Variants in GSE1 observed in about 807,000 individuals in gnomAD.
GSE1 encodes genetic suppressor element 1.
Under a neutral mutation model 112.6 loss-of-function variants are expected in GSE1, and 32 were observed. That is an observed-to-expected ratio of 0.28 (90% confidence interval 0.21 to 0.38). The LOEUF (loss-of-function observed/expected upper bound fraction) is 0.38. GSE1 is among the 10% of genes least tolerant of loss of function. GSE1 has a pLI of 1.00. For synonymous variants in GSE1, 1,115 were observed against 735.6 expected, an observed-to-expected ratio of 1.52 and a Z score of -8.35; for missense variants, 2,348 against 1,699.2, an observed-to-expected ratio of 1.38 and a Z score of -6.71.
At chr16:85,513,635 G>A (rs2051820494) in intron 2 of GSE1, among the ~76,000 whole-genome samples, 2 of 152,126 alleles carry the variant, frequency 1.3e-5, no homozygotes, top group Admixed American at 1.3e-4. Context: ...CTGCCTCCAG[G>A]CCTCACCCTC....
At chr16:85,293,391 C>A (rs1040781492) in intron 1 of GSE1, among the ~76,000 whole-genome samples, 14 of 151,986 alleles carry the variant, frequency 9.2e-5, no homozygotes, top group African/African-American at 2.7e-4. Context: ...GCTAAAAATA[C>A]AAAAATCAGC....
At chr16:85,346,648 TA>T (rs2046746956) in intron 1 of GSE1, among the ~76,000 whole-genome samples, 1 of 147,234 alleles carries the variant, frequency 6.8e-6, no homozygotes, top group African/African-American at 2.5e-5. Flanking sequence ...GGTAGATGGA[TA>T]AGTGGTGGAT....
chr16:85,438,923 C>T (rs901923127), intron 2 of GSE1, among the ~76,000 whole-genome samples: 2 of 152,208 alleles, frequency 1.3e-5, no homozygotes, highest in African/African-American at 2.4e-5. Context: ...GATCCCCCCG[C>T]GGCCTCCTGC....
intron 1 of GSE1, among the ~76,000 whole-genome samples, chr16:85,216,571 C>T (rs2075309882): frequency 6.6e-6 from 1 of 152,200 alleles, no homozygotes; most frequent in African/African-American, 2.4e-5. Context: ...AAACTGACGC[C>T]TATGACCTTC....
At chr16:85,352,899 G>A (rs927185180) in intron 1 of GSE1, among the ~76,000 whole-genome samples, 4 of 152,216 alleles carry the variant, frequency 2.6e-5, no homozygotes, top group Non-Finnish European at 4.4e-5. Context: ...ACTGGCACCT[G>A]GTTCCCTCTG....
At chr16:85,550,243 T>G (rs1050753844) in intron 2 of GSE1, among the ~76,000 whole-genome samples, 10 of 152,124 alleles carry the variant, frequency 6.6e-5, no homozygotes, top group Non-Finnish European at 1.2e-4. Flanking sequence ...ACATGCACTC[T>G]GGAGCCAGCT....
intron 1 of GSE1, among the ~76,000 whole-genome samples, chr16:85,315,370 A>C (rs573044272): frequency 9.2e-5 from 14 of 152,278 alleles, no homozygotes; most frequent in South Asian, 6.2e-4. Context: ...TCAGATGGCA[A>C]ACAGGCAGGG....
chr16:85,570,622 G>C (rs570327432), intron 1 of GSE1, among the ~76,000 whole-genome samples: 4 of 152,348 alleles, frequency 2.6e-5, no homozygotes, highest in Middle Eastern at 6.8e-3. Flanking sequence ...GGGTCAGACC[G>C]GTGGGGTGAG....
At chr16:85,206,541 C>T (rs2143608597) in intron 1 of GSE1, among the ~76,000 whole-genome samples, 1 of 152,226 alleles carries the variant, frequency 6.6e-6, no homozygotes, top group East Asian at 1.9e-4. Context: ...CCAGGTTTTC[C>T]CAGATCCAGC....
chr16:85,320,034 A>G (rs1567685661), intron 1 of GSE1, among the ~76,000 whole-genome samples: 1 of 152,186 alleles, frequency 6.6e-6, no homozygotes, highest in Non-Finnish European at 1.5e-5. Context: ...AACAAATTAC[A>G]GGTTCTCAGA....
chr16:85,256,705 C>T (rs1907122130), intron 1 of GSE1, among the ~76,000 whole-genome samples: 1 of 152,260 alleles, frequency 6.6e-6, no homozygotes, highest in Admixed American at 6.5e-5. Flanking sequence ...GGGTGCTGAG[C>T]CACCCAGAGG....
intron 1 of GSE1, among the ~76,000 whole-genome samples, chr16:85,314,720 A>T (rs897004874): frequency 6.6e-6 from 1 of 152,140 alleles, no homozygotes; most frequent in African/African-American, 2.4e-5. Context: ...TCTCCCCCGC[A>T]GCAGGCCCTA....
chr16:85,262,749 T>C (rs1907833743), intron 1 of GSE1, among the ~76,000 whole-genome samples: 1 of 152,202 alleles, frequency 6.6e-6, no homozygotes, highest in Non-Finnish European at 1.5e-5. Flanking sequence ...AGTTTCCTCA[T>C]CCGAAATTGG....
intron 1 of GSE1, among the ~76,000 whole-genome samples, chr16:85,343,088 G>C (rs1284852765): frequency 6.6e-6 from 1 of 152,008 alleles, no homozygotes; most frequent in African/African-American, 2.4e-5. Context: ...GGAGGAAGGT[G>C]CTTCTTGATC....
intron 1 of GSE1, among the ~76,000 whole-genome samples, chr16:85,256,582 C>T (rs1470903937): frequency 6.6e-6 from 1 of 152,254 alleles, no homozygotes; most frequent in East Asian, 1.9e-4. Flanking sequence ...GGCCCGGCCT[C>T]CCGGCCTTGG....
At chr16:85,204,212 G>T (rs2075077522) in intron 1 of GSE1, among the ~76,000 whole-genome samples, 1 of 152,174 alleles carries the variant, frequency 6.6e-6, no homozygotes, top group Admixed American at 6.5e-5. Flanking sequence ...CCTGTAAATG[G>T]AATCATAACA....
intron 11 of GSE1, among the ~76,000 whole-genome samples, chr16:85,664,018 G>A (rs545735908): frequency 2.0e-5 from 3 of 152,378 alleles, no homozygotes; most frequent in Non-Finnish European, 2.9e-5. Flanking sequence ...CCTGGTGGCC[G>A]GAGGCCTGGG....
intron 2 of GSE1, among the ~76,000 whole-genome samples, chr16:85,429,211 G>T (rs114037719): frequency 1.3e-3 from 200 of 152,296 alleles, no homozygotes; most frequent in African/African-American, 4.3e-3. Context: ...CACAGCCCCC[G>T]CCCAGGACCT....
intron 1 of GSE1, among the ~76,000 whole-genome samples, chr16:85,223,735 G>C (rs2075433555): frequency 6.6e-6 from 1 of 151,664 alleles, no homozygotes; most frequent in South Asian, 2.1e-4. Flanking sequence ...CTCCCGATTA[G>C]CTGGGATTAC....
Sources: allele counts gnomAD v4.1 joint callset (sites outside exome capture counted in the v4.1 genomes callset), GRCh38; gene constraint gnomAD v4.1.1; transcripts MANE v1.5; gene names NCBI Gene and HGNC (gene_info 2026-07-23, HGNC 2026-07-21).